SERINC5: variants seen among roughly 807,000 people sequenced by gnomAD.
SERINC5 encodes chromosome 5 open reading frame 12.
A neutral mutation model predicts 63.1 loss-of-function variants in SERINC5; 41 were observed. The observed-to-expected ratio is 0.65, with a 90% confidence interval of 0.51 to 0.84. SERINC5 has a LOEUF of 0.84. Among genes scored for constraint, SERINC5 ranks in the 40% least tolerant of loss-of-function variants. The pLI, the probability that SERINC5 is intolerant of heterozygous loss-of-function variation, is 0.00. For missense variants in SERINC5, 523 were observed against 573.0 expected (o/e 0.91, Z 0.89); for synonymous variants, 222 against 215.2 (o/e 1.03, Z -0.28).
intron 2 of SERINC5, among the ~76,000 whole-genome samples, chr5:80,194,488 G>A (rs964099977): frequency 3.3e-5 from 5 of 152,140 alleles, no homozygotes; most frequent in African/African-American, 1.2e-4. Context: ...TTAAAAAGAT[G>A]GTTATACCAA....
chr5:80,253,899 T>C (rs1028044591), intron 1 of SERINC5, among the ~76,000 whole-genome samples: 2 of 152,196 alleles, frequency 1.3e-5, no homozygotes, highest in African/African-American at 4.8e-5. Context: ...AATTGGTAAC[T>C]TCTGACGGTG....
downstream of SERINC5, among the ~76,000 whole-genome samples, chr5:80,111,245 A>T (rs988521235): frequency 6.6e-6 from 1 of 152,214 alleles, no homozygotes; most frequent in Non-Finnish European, 1.5e-5. Flanking sequence ...GGAGTCCTTT[A>T]TTAGCCAGCG....
Position 80,143,528 on chromosome 5 carries a change from T to G in SERINC5, c.*135A>C. On this transcript the variant is annotated 3_prime_UTR_variant, in exon 12 of 12. Coordinates refer to ENST00000507668, the MANE Select transcript of SERINC5 (RefSeq NM_001174072.3). ...CAAAAGTAAAAAGCTAATCAGGAGA[T>G]TTTTTTTTTTCTCTCTCAAAGCTTT... The G allele has an allele frequency of 1.1e-6, 1 of 873,416 alleles. No individual in the cohort carries two copies. The highest frequency in any genetic ancestry group is 1.5e-6 in the Non-Finnish European group (1 of 681,288). The allele number at this position is 873,416 out of a possible 1,614,324, so 54.1% of individuals were successfully genotyped here.
intron 7 of SERINC5, among the ~76,000 whole-genome samples, chr5:80,160,085 A>C (rs1489332231): frequency 2.6e-5 from 4 of 152,174 alleles, no homozygotes; most frequent in African/African-American, 9.7e-5. Context: ...ACTTGTGACC[A>C]GTGGGAATGG....
intron 8 of SERINC5, 120 bp from the exon 9 acceptor site, chr5:80,151,068 G>C: frequency 1.3e-6 from 1 of 751,120 alleles, no homozygotes; most frequent in East Asian, 2.5e-5. Flanking sequence ...CCGTTCAGGA[G>C]ACTTAAATCA....
At chr5:80,130,376 T>A (rs1160210565) in intron 11 of SERINC5, among the ~76,000 whole-genome samples, 1 of 146,472 alleles carries the variant, frequency 6.8e-6, no homozygotes, top group East Asian at 2.1e-4. Context: ...CGAGATTCCA[T>A]CTCAAAAAAA....
Position 80,232,654 on chromosome 5 carries a change from C to T in SERINC5, c.27+23242G>A, listed in dbSNP as rs533094749. Among the ~76,000 whole-genome samples, 3 of 152,050 alleles carry T rather than the reference C, an allele frequency of 2.0e-5. No homozygotes were observed. The East Asian group carries it at 5.8e-4, about 30-fold the overall frequency. On this transcript the variant is annotated intron_variant, in intron 1 of 11. Coordinates refer to ENST00000507668, the MANE Select transcript of SERINC5 (RefSeq NM_001174072.3). ...TGAAAATTAGCTGGGCATAGTGGCA[C>T]ACACCTATATTCCCAAATACTGAGG...
At chr5:80,114,350 C>T (rs1744246714) in intron 11 of SERINC5, among the ~76,000 whole-genome samples, 1 of 151,578 alleles carries the variant, frequency 6.6e-6, no homozygotes, top group Admixed American at 6.6e-5. Flanking sequence ...AAGAAACTGC[C>T]ACTCTTAAAT....
intron 1 of SERINC5, among the ~76,000 whole-genome samples, chr5:80,248,553 G>A (rs551010297): frequency 6.6e-6 from 1 of 152,280 alleles, no homozygotes; most frequent in East Asian, 1.9e-4. Flanking sequence ...TCAGGTAACT[G>A]AAACCACAGA....
chr5:80,238,299 AACCTGCAACTTCCGCCAACTAC>A (rs1168728941), intron 1 of SERINC5, among the ~76,000 whole-genome samples: 1 of 152,072 alleles, frequency 6.6e-6, no homozygotes, highest in Non-Finnish European at 1.5e-5. Context: ...CTTACTCAGC[AACCTGCAACTTCCGCCAACTAC>A]ACTAACGGTG....
At chr5:80,224,236 A>T (rs1275224102) in intron 1 of SERINC5, among the ~76,000 whole-genome samples, 1 of 152,092 alleles carries the variant, frequency 6.6e-6, no homozygotes, top group East Asian at 1.9e-4. Flanking sequence ...TGAGGCGAGC[A>T]GATGGCTTGA....
At chr5:80,191,600 C>T (rs185260001) in intron 2 of SERINC5, among the ~76,000 whole-genome samples, 31 of 149,836 alleles carry the variant, frequency 2.1e-4, no homozygotes, top group African/African-American at 7.3e-4. Context: ...GAGGTTAAGC[C>T]TGCAGTGAGC....
At position 80,166,369 on chromosome 5, in the gene SERINC5, A is replaced by G. The variant is rs1580096573; in HGVS notation, c.859+14T>C. ...TCACACCGCAAACACAAGCCCACTA[A>G]CAGGCTGGCTTACCTACTTCTGCAG... On this transcript the variant is annotated intron_variant, in intron 7 of 11. Coordinates refer to ENST00000507668, the MANE Select transcript of SERINC5 (RefSeq NM_001174072.3). The G allele has an allele frequency of 1.9e-6, 3 of 1,545,588 alleles. No homozygotes were observed. The highest frequency in any genetic ancestry group is 2.4e-5 in the South Asian group (2 of 84,406).
At chr5:80,132,148 A>G (rs58965928) in intron 11 of SERINC5, among the ~76,000 whole-genome samples, 2,656 of 152,270 alleles carry the variant, frequency 0.017, 62 homozygotes, top group African/African-American at 0.061. Context: ...CCCCCAAACC[A>G]TGAGCAAATA....
intron 2 of SERINC5, among the ~76,000 whole-genome samples, chr5:80,191,713 G>A (rs1013892434): frequency 2.2e-4 from 31 of 140,322 alleles, no homozygotes; most frequent in African/African-American, 8.1e-4. Context: ...TTTTTAACTT[G>A]TAAACAATTT....
intron 11 of SERINC5, 100 bp from the exon 12 acceptor site, chr5:80,143,910 A>G: frequency 7.5e-7 from 1 of 1,341,516 alleles, no homozygotes; most frequent in Non-Finnish European, 1.0e-6. Flanking sequence ...AACGGCTTTC[A>G]ATGTATTCAT....
chr5:80,231,763 A>C (rs1307330938), intron 1 of SERINC5, among the ~76,000 whole-genome samples: 1 of 152,188 alleles, frequency 6.6e-6, no homozygotes, highest in Non-Finnish European at 1.5e-5. Context: ...TTCAAATGCA[A>C]AACAATGAAG....
At chr5:80,170,086 A>T (rs150852520) in intron 5 of SERINC5, among the ~76,000 whole-genome samples, 499 of 152,332 alleles carry the variant, frequency 3.3e-3, no homozygotes, top group Middle Eastern at 0.01. Context: ...AAACCCTGCT[A>T]TACAAGAGAT....
intron 11 of SERINC5, among the ~76,000 whole-genome samples, chr5:80,124,860 G>T (rs1000063090): frequency 2.3e-4 from 35 of 152,284 alleles, no homozygotes; most frequent in Non-Finnish European, 4.3e-4. Context: ...CCCACCCAGG[G>T]TGGGGAGTAG....
Sources: gnomAD v4.1 joint callset for allele counts (sites outside exome capture counted in the v4.1 genomes callset) on GRCh38, gnomAD v4.1.1 for gene constraint, MANE v1.5 for transcripts, NCBI Gene and HGNC (gene_info 2026-07-23, HGNC 2026-07-21) for gene names.